SPOCK3: variants seen among roughly 807,000 people sequenced by gnomAD.
SPOCK3 encodes the protein SPARC (osteonectin), cwcv and kazal like domains proteoglycan 3, also known as testican-3.
SPOCK3 carries 30 observed loss-of-function variants against 56.6 expected under a neutral mutation model. The observed-to-expected ratio is 0.53, with a 90% CI of 0.40 to 0.72. The LOEUF is 0.72. Among genes scored for constraint, SPOCK3 ranks in the 30% least tolerant of loss-of-function variants. SPOCK3 has a pLI of 0.00. For missense variants in SPOCK3, 527 were observed against 530.0 expected (o/e 0.99, Z 0.06); for synonymous variants, 196 against 183.3 (o/e 1.07, Z -0.56).
intron 6 of SPOCK3, among the ~76,000 whole-genome samples, chr4:166,847,729 A>T (rs1035560554): frequency 7.1e-6 from 1 of 141,670 alleles, no homozygotes; most frequent in African/African-American, 2.6e-5. Context: ...AATTTTCAGG[A>T]TTATTTTAAT....
At position 166,735,105 on chromosome 4, in the gene SPOCK3, A is replaced by G. The variant is rs775925471; in HGVS notation, c.1133-15T>C. On this transcript the variant is annotated splice_polypyrimidine_tract_variant and intron_variant, in intron 10 of 10. Coordinates refer to ENST00000357545, the MANE Select transcript of SPOCK3 (RefSeq NM_001040159.2). ...AAAATCTATAGCTTAAAACAAGTGA[A>G]AGTAAACATAACCTTTATTTGACTG... The G allele has an allele frequency of 4.5e-6, 7 of 1,556,426 alleles. No homozygotes were observed. In the East Asian group the frequency reaches 1.6e-4, roughly 36 times the overall value.
intron 5 of SPOCK3, among the ~76,000 whole-genome samples, chr4:166,909,202 C>G (rs1331440995): frequency 6.6e-6 from 1 of 152,018 alleles, no homozygotes; most frequent in East Asian, 1.9e-4. Context: ...AAATACTCTA[C>G]TGAGGATTTC....
chr4:167,168,008 T>C (rs1730143598), intron 2 of SPOCK3, among the ~76,000 whole-genome samples: 2 of 152,092 alleles, frequency 1.3e-5, no homozygotes, highest in African/African-American at 4.8e-5. Flanking sequence ...GTTTTATAAA[T>C]GGGAGTTCCC....
At chr4:167,004,552 A>G (rs1397147897) in intron 3 of SPOCK3, among the ~76,000 whole-genome samples, 2 of 152,158 alleles carry the variant, frequency 1.3e-5, no homozygotes, top group Non-Finnish European at 2.9e-5. Context: ...CAGAAAGACC[A>G]CACACAAGAA....
intron 4 of SPOCK3, among the ~76,000 whole-genome samples, chr4:166,945,896 C>T (rs1741673381): frequency 1.3e-5 from 2 of 152,302 alleles, no homozygotes; most frequent in East Asian, 1.9e-4. Context: ...GTGAAAACCT[C>T]CCATACTCTG....
chr4:166,910,250 T>C (rs184604339), intron 5 of SPOCK3, among the ~76,000 whole-genome samples: 1 of 152,306 alleles, frequency 6.6e-6, no homozygotes, highest in Admixed American at 6.5e-5. Context: ...TTTAGGGTTA[T>C]TAAAGACCCA....
chr4:166,753,217 T>C (rs2126484848), intron 8 of SPOCK3, among the ~76,000 whole-genome samples: 1 of 152,084 alleles, frequency 6.6e-6, no homozygotes, highest in East Asian at 1.9e-4. Flanking sequence ...AAAATTAAAA[T>C]AACGTTTGTC....
intron 2 of SPOCK3, among the ~76,000 whole-genome samples, chr4:167,100,897 T>G (rs1759581759): frequency 6.6e-6 from 1 of 152,158 alleles, no homozygotes; most frequent in Non-Finnish European, 1.5e-5. Context: ...GTTTGCATAA[T>G]GAGTTTCTAG....
intron 4 of SPOCK3, among the ~76,000 whole-genome samples, chr4:166,983,112 C>G (rs1005702376): frequency 6.6e-6 from 1 of 152,042 alleles, no homozygotes; most frequent in African/African-American, 2.4e-5. Flanking sequence ...ACTTTTTCCA[C>G]GTAGTATTGA....
chr4:166,860,818 T>G, intron 6 of SPOCK3, among the ~76,000 whole-genome samples: 1 of 140,780 alleles, frequency 7.1e-6, no homozygotes. Context: ...TATATATATG[T>G]ATATATATAT....
At chr4:167,195,311 G>T (rs1363621033) in intron 2 of SPOCK3, among the ~76,000 whole-genome samples, 1 of 152,142 alleles carries the variant, frequency 6.6e-6, no homozygotes, top group African/African-American at 2.4e-5. Flanking sequence ...TGACTAAGAG[G>T]GACTGAGGAT....
intron 2 of SPOCK3, among the ~76,000 whole-genome samples, chr4:167,146,103 G>T (rs993079651): frequency 6.6e-6 from 1 of 152,054 alleles, no homozygotes; most frequent in Non-Finnish European, 1.5e-5. Context: ...TCAAAATAAA[G>T]GGATGGAGGA....
chr4:166,917,069 A>G (rs570273586), intron 4 of SPOCK3, among the ~76,000 whole-genome samples: 22 of 152,288 alleles, frequency 1.4e-4, no homozygotes, highest in African/African-American at 4.8e-4. Flanking sequence ...GTCATATGAT[A>G]ACCAATGAAT....
intron 3 of SPOCK3, among the ~76,000 whole-genome samples, chr4:167,025,980 T>TG (rs1751665447): frequency 1.3e-5 from 2 of 152,050 alleles, no homozygotes; most frequent in Admixed American, 1.3e-4. Flanking sequence ...TGTAACACAA[T>TG]GGTAAGAATG....
chr4:166,844,981 G>GAATACA (rs1209738792), intron 6 of SPOCK3, among the ~76,000 whole-genome samples: 1 of 152,214 alleles, frequency 6.6e-6, no homozygotes, highest in African/African-American at 2.4e-5. Flanking sequence ...TGCTGAGGCA[G>GAATACA]AATACAAATG....
intron 2 of SPOCK3, among the ~76,000 whole-genome samples, chr4:167,122,837 A>C (rs759378169): frequency 6.6e-6 from 1 of 152,058 alleles, no homozygotes; most frequent in Non-Finnish European, 1.5e-5. Context: ...ACAATAATCA[A>C]CTCAATAAAA....
intron 3 of SPOCK3, among the ~76,000 whole-genome samples, chr4:167,041,482 G>A (rs1043418546): frequency 3.9e-5 from 6 of 152,106 alleles, no homozygotes; most frequent in Non-Finnish European, 8.8e-5. Flanking sequence ...TAATATTTGT[G>A]TAATCTGTGC....
In SPOCK3 at chr4:167,078,668, T is replaced by G. The variant is rs559214236; in HGVS notation, c.190-16131A>C. ...ATAATAACCCATAATCACCCTATGA[T>G]GCAGGTATCATCCTTTACCTCAATT... On this transcript the variant is annotated intron_variant, in intron 2 of 10. Coordinates refer to ENST00000357545, the MANE Select transcript of SPOCK3 (RefSeq NM_001040159.2). Among the ~76,000 whole-genome samples the G allele has an allele frequency of 3.3e-5, 5 of 151,886 alleles. No homozygotes were observed. In the East Asian group the frequency reaches 9.7e-4, roughly 30 times the overall value.
At chr4:166,809,618 T>C (rs1743553879) in intron 6 of SPOCK3, among the ~76,000 whole-genome samples, 1 of 152,112 alleles carries the variant, frequency 6.6e-6, no homozygotes, top group South Asian at 2.1e-4. Context: ...GACAAATTAT[T>C]CTTTCAGGTT....
Sources: allele counts gnomAD v4.1 joint callset (sites outside exome capture counted in the v4.1 genomes callset), GRCh38; gene constraint gnomAD v4.1.1; transcripts MANE v1.5; gene names NCBI Gene and HGNC (gene_info 2026-07-23, HGNC 2026-07-21).